AGPAT3: variants seen among roughly 807,000 people sequenced by gnomAD.
AGPAT3 encodes the protein 1-acylglycerol-3-phosphate O-acyltransferase 3.
AGPAT3 carries 5 observed loss-of-function variants against 47.3 expected under a neutral mutation model. The ratio of observed to expected loss-of-function variants is 0.11; its 90% CI spans 0.06 to 0.22. The LOEUF (loss-of-function observed/expected upper bound fraction) is 0.22, where lower values mean the gene tolerates loss of function less well. AGPAT3 is among the 10% of genes least tolerant of loss of function. The probability of loss-of-function intolerance (pLI) is 1.00; values close to 1 mark genes in which losing one functional copy is unlikely to be tolerated. For synonymous variants in AGPAT3, 212 were observed against 208.3 expected, an observed-to-expected ratio of 1.02 and a Z score of -0.15; for missense variants, 315 against 493.0, an observed-to-expected ratio of 0.64 and a Z score of 3.42.
rs1354184562 is a variant in AGPAT3 at position 43,920,285 on chromosome 21, AGAGT to A, written c.-49+16268_-49+16271del. Among the ~76,000 whole-genome samples, 2 of 151,704 alleles carry A rather than the reference AGAGT, an allele frequency of 1.3e-5. No homozygotes were observed. The highest frequency in any genetic ancestry group is 2.4e-5 in the African/African-American group (1 of 41,246). On this transcript the variant is annotated intron_variant, in intron 2 of 9. Transcript: ENST00000291572. This position sits in a 1 kb window ranked among gnomAD's most constrained non-coding sequence, Gnocchi z 6.1. ...TGTAAAGCGTGAATGTGTCAGTGTG[AGAGT>A]GTGTGTGTGCGTGTGAGTGTTGAAT...
rs1230610456 is a variant in AGPAT3 at position 43,982,639 on chromosome 21, C to A, written c.*247C>A. On this transcript the variant is annotated 3_prime_UTR_variant, in exon 10 of 10. Coordinates refer to ENST00000291572, the MANE Select transcript of AGPAT3 (RefSeq NM_020132.5). The surrounding 1 kb of genome is among the most constrained non-coding windows in gnomAD (Gnocchi z 6.2). ...TGGGAGGTGGGTCCGGCCGGAGAGGCCTCCCGCGGACGCCGTCTCTCCAGA... is the reference window on the plus strand; with the variant it reads ...TGGGAGGTGGGTCCGGCCGGAGAGGACTCCCGCGGACGCCGTCTCTCCAGA... 2.9e-6 allele frequency: 1 copy of A among 347,820 alleles called. No individual in the cohort carries two copies. Among genetic ancestry groups the A allele is most frequent in the East Asian group, 6.3e-5 (1 of 15,874 alleles). 21.5% of individuals were successfully genotyped at this position (347,820 alleles called of 1,614,324 possible).
chr21:43,946,413 A>T (rs958602568), intron 2 of AGPAT3, among the ~76,000 whole-genome samples: 3 of 152,206 alleles, frequency 2.0e-5, no homozygotes, highest in African/African-American at 4.8e-5. Flanking sequence ...CAGCCTGGCC[A>T]ACATGGCAAA....
intron 1 of AGPAT3, among the ~76,000 whole-genome samples, chr21:43,884,512 C>A (rs1461777090): frequency 6.6e-6 from 1 of 152,170 alleles, no homozygotes; most frequent in Non-Finnish European, 1.5e-5. Flanking sequence ...TGTGCTATTG[C>A]GGGACATGGG....
intron 1 of AGPAT3, among the ~76,000 whole-genome samples, chr21:43,872,226 G>T (rs1601184778): frequency 6.6e-6 from 1 of 151,476 alleles, no homozygotes; most frequent in Admixed American, 6.6e-5. Flanking sequence ...TGTCACCCAG[G>T]CTGGAGTGCA....
At chr21:43,906,696 C>T (rs1250790493) in intron 2 of AGPAT3, among the ~76,000 whole-genome samples, 3 of 152,236 alleles carry the variant, frequency 2.0e-5, no homozygotes, top group East Asian at 1.9e-4. Flanking sequence ...TGCTCTGAGG[C>T]GTGAACCCAC....
rs1313406748 is a variant in AGPAT3, at chr21:43,955,777, A to G, written c.-48-3857A>G. Reference sequence around the variant, plus strand: ...AAAAATTTGCTGGACATGGTGGTGCATACCTGTGGTCCCAGCTACTCGGGA... The same window carrying G: ...AAAAATTTGCTGGACATGGTGGTGCGTACCTGTGGTCCCAGCTACTCGGGA... On this transcript the variant is annotated intron_variant, in intron 2 of 9. Coordinates refer to ENST00000291572, the MANE Select transcript of AGPAT3 (RefSeq NM_020132.5). This position sits in a 1 kb window ranked among gnomAD's most constrained non-coding sequence, Gnocchi z 4.1. Among the ~76,000 whole-genome samples the G allele has an allele frequency of 6.6e-6, 1 of 151,744 alleles. No homozygotes were observed. The highest frequency in any genetic ancestry group is 1.5e-5 in the Non-Finnish European group (1 of 67,952).
At chr21:43,899,665 C>A (rs2086307598) in intron 1 of AGPAT3, among the ~76,000 whole-genome samples, 1 of 152,312 alleles carries the variant, frequency 6.6e-6, no homozygotes, top group Admixed American at 6.5e-5. Context: ...CTGCCCTGAG[C>A]AGAGCACCCC....
chr21:43,941,559 A>G (rs1405694504), intron 2 of AGPAT3, among the ~76,000 whole-genome samples: 1 of 152,244 alleles, frequency 6.6e-6, no homozygotes, highest in Admixed American at 6.5e-5. Flanking sequence ...AAAAACAAAC[A>G]GAACCTAAGT....
rs979083915 is a variant in AGPAT3, at chr21:43,921,092, A to G, written c.-49+17073A>G. On this transcript the variant is annotated intron_variant, in intron 2 of 9. Coordinates refer to ENST00000291572, the MANE Select transcript of AGPAT3 (RefSeq NM_020132.5). ...CGGGCCACTGCATTCCAGCCTGGGC[A>G]ACAGAGCAAGACTCTGCCTCAAAAA... Among the ~76,000 whole-genome samples the G allele has an allele frequency of 1.2e-4, 19 of 152,220 alleles. No homozygotes were observed. In the South Asian group the frequency reaches 1.4e-3, roughly 12 times the overall value.
At chr21:43,968,825 TG>T (rs1255438667) in intron 4 of AGPAT3, among the ~76,000 whole-genome samples, 2 of 152,140 alleles carry the variant, frequency 1.3e-5, no homozygotes, top group African/African-American at 4.8e-5. Flanking sequence ...AAAGCCCCTG[TG>T]TGAGGCAGCA....
chr21:43,909,074 T>C (rs1196092745), intron 2 of AGPAT3, among the ~76,000 whole-genome samples: 1 of 152,204 alleles, frequency 6.6e-6, no homozygotes, highest in Non-Finnish European at 1.5e-5. Context: ...ACTTACTATT[T>C]TTTTTCTTTG....
At chr21:43,917,469 C>G (rs1384473320) in intron 2 of AGPAT3, among the ~76,000 whole-genome samples, 2 of 152,216 alleles carry the variant, frequency 1.3e-5, no homozygotes, top group Admixed American at 1.3e-4. Context: ...AGTTCTGCCT[C>G]TGTGTGACAC....
At position 43,920,238 on chromosome 21, in the gene AGPAT3, AGTGT is replaced by A. The variant is rs374245534; in HGVS notation, c.-49+16228_-49+16231del. Among the ~76,000 whole-genome samples, 3 of 151,322 alleles carry A rather than the reference AGTGT, an allele frequency of 2.0e-5. No homozygotes were observed. The highest frequency in any genetic ancestry group is 2.9e-5 in the Non-Finnish European group (2 of 67,834). ...GTGTGTGTGTGAGAGATTGTGAGTG[AGTGT>A]GTGTGTGTAAGGGTGTGTGTAAAGC... On this transcript the variant is annotated intron_variant, in intron 2 of 9. Transcript: ENST00000291572. This position sits in a 1 kb window ranked among gnomAD's most constrained non-coding sequence, Gnocchi z 6.1.
At chr21:43,888,825 C>A (rs1254510457) in intron 1 of AGPAT3, among the ~76,000 whole-genome samples, 3 of 152,110 alleles carry the variant, frequency 2.0e-5, no homozygotes, top group African/African-American at 7.2e-5. Flanking sequence ...CCCATCTCTA[C>A]TGAAAATATA....
intron 1 of AGPAT3, among the ~76,000 whole-genome samples, chr21:43,903,528 G>T (rs2086406409): frequency 6.6e-6 from 1 of 152,246 alleles, no homozygotes; most frequent in South Asian, 2.1e-4. Flanking sequence ...GCCCAGGGCT[G>T]CGGCTGGCAG....
chr21:43,897,992 A>G (rs1420941631), intron 1 of AGPAT3, among the ~76,000 whole-genome samples: 1 of 152,178 alleles, frequency 6.6e-6, no homozygotes, highest in Non-Finnish European at 1.5e-5. Flanking sequence ...CCAGTCAGGC[A>G]TGGCGGCGCG....
intron 2 of AGPAT3, among the ~76,000 whole-genome samples, chr21:43,942,111 G>A (rs1259543500): frequency 6.6e-6 from 1 of 152,240 alleles, no homozygotes; most frequent in Non-Finnish European, 1.5e-5. Context: ...CCTGCGCCGT[G>A]GCAGCGTACC....
intron 1 of AGPAT3, among the ~76,000 whole-genome samples, chr21:43,888,879 C>T (rs955096595): frequency 3.3e-5 from 5 of 152,078 alleles, no homozygotes; most frequent in African/African-American, 7.2e-5. Flanking sequence ...ATACCAGCTA[C>T]TCAGGAGGCT....
chr21:43,949,185 A>G (rs1248996104), intron 2 of AGPAT3, among the ~76,000 whole-genome samples: 1 of 152,120 alleles, frequency 6.6e-6, no homozygotes, highest in Non-Finnish European at 1.5e-5. Flanking sequence ...TCAGTTATAT[A>G]TTTAGGTTTA....
Sources: allele counts gnomAD v4.1 joint callset (sites outside exome capture counted in the v4.1 genomes callset), GRCh38; gene constraint gnomAD v4.1.1; non-coding constraint Gnocchi (gnomAD v3.1); transcripts MANE v1.5; gene names NCBI Gene and HGNC (gene_info 2026-07-23, HGNC 2026-07-21).